The following POC1B variants were observed in gnomAD, a reference collection of about 807,000 sequenced individuals.
The protein encoded by POC1B is POC1 centriolar protein B.
In POC1B, 44 loss-of-function variants were observed where a neutral mutation model predicts 60.6. The observed-to-expected ratio is 0.73, with a 90% confidence interval of 0.57 to 0.93. The LOEUF is 0.93. POC1B is among the 40% of genes least tolerant of loss of function. The pLI, the probability that POC1B is intolerant of heterozygous loss-of-function variation, is 0.00. For missense variants in POC1B, 555 were observed against 572.3 expected, an observed-to-expected ratio of 0.97 and a Z score of 0.31; for synonymous variants, 180 against 198.9, an observed-to-expected ratio of 0.90 and a Z score of 0.80.
chr12:89,422,936 T>C (rs1880605150), intron 11 of POC1B, among the ~76,000 whole-genome samples: 2 of 152,352 alleles, frequency 1.3e-5, no homozygotes, highest in South Asian at 4.1e-4. Context: ...TCATTACTAA[T>C]GAAAAATAAT....
chr12:89,442,296 A>C (rs1349449490), intron 10 of POC1B, among the ~76,000 whole-genome samples: 1 of 152,350 alleles, frequency 6.6e-6, no homozygotes, highest in Middle Eastern at 3.4e-3. Flanking sequence ...TCCAAGATAC[A>C]TAATTGTCAG....
chr12:89,519,055 G>A (rs1870632255), intron 2 of POC1B, among the ~76,000 whole-genome samples: 1 of 152,218 alleles, frequency 6.6e-6, no homozygotes, highest in South Asian at 2.1e-4. Context: ...GGGGAAATAT[G>A]AGGATATGTG....
chr12:89,484,784 AC>A (rs929506214), intron 4 of POC1B, among the ~76,000 whole-genome samples: 2 of 152,196 alleles, frequency 1.3e-5, no homozygotes, highest in Non-Finnish European at 2.9e-5. Flanking sequence ...GTGTGCAACA[AC>A]TGCAACAAGC....
chr12:89,493,852 AC>A (rs1869108516), intron 3 of POC1B, among the ~76,000 whole-genome samples: 1 of 152,176 alleles, frequency 6.6e-6, no homozygotes, highest in Admixed American at 6.5e-5. Context: ...CACAGAAGAA[AC>A]CAAGATAGGA....
chr12:89,524,056 A>C, intron 2 of POC1B: 3 of 1,613,672 alleles, frequency 1.9e-6, no homozygotes, highest in Non-Finnish European at 2.5e-6. Flanking sequence ...TTTCAAAAGA[A>C]CTGCAGGAGA....
rs776312438 is a variant in POC1B, at chr12:89,459,697, T to A, written c.1054A>T (p.Ile352Phe). The change falls in exon 10 of 12, where the codon ATC becomes TTC. Residue 352 changes from isoleucine (I) to phenylalanine (F), a missense_variant. Ile to Phe is a conservative substitution (Grantham distance 21). Coordinates refer to ENST00000313546, the MANE Select transcript of POC1B (RefSeq NM_172240.3). ...GGGGGAGTAGAGATCTGCAAATCGATTACCTCAAGCTTTGGATTAATCTGT... is the reference window on the plus strand; with the variant it reads ...GGGGGAGTAGAGATCTGCAAATCGAATACCTCAAGCTTTGGATTAATCTGT... ...TVEINPKLEVIDLQISTPPVM... is the reference protein window; with the variant it reads ...TVEINPKLEVFDLQISTPPVM... The A allele has an allele frequency of 1.7e-5, 27 of 1,545,674 alleles. No individual in the cohort carries two copies. The highest frequency in any genetic ancestry group is 2.2e-5 in the Non-Finnish European group (25 of 1,144,632).
chr12:89,445,169 T>C (rs1483788354), intron 10 of POC1B, among the ~76,000 whole-genome samples: 1 of 152,132 alleles, frequency 6.6e-6, no homozygotes, highest in Non-Finnish European at 1.5e-5. Context: ...ATTGTGAAAA[T>C]GGCCATACTG....
At chr12:89,459,034 G>A (rs568142050) in intron 10 of POC1B, among the ~76,000 whole-genome samples, 1 of 152,164 alleles carries the variant, frequency 6.6e-6, no homozygotes, top group Middle Eastern at 3.4e-3. Flanking sequence ...ATTAACCAAC[G>A]GCAGTGCTGT....
At chr12:89,500,946 C>A in intron 2 of POC1B, 1 of 913,550 alleles carries the variant, frequency 1.1e-6, no homozygotes, top group Non-Finnish European at 1.7e-6. Context: ...CATTGTTAGG[C>A]ATGGAGGAAT....
intron 2 of POC1B, among the ~76,000 whole-genome samples, chr12:89,507,911 C>A (rs1462002519): frequency 1.3e-5 from 2 of 152,240 alleles, no homozygotes; most frequent in Non-Finnish European, 2.9e-5. Context: ...AGAAATGTTA[C>A]CGTCTCCAGT....
chr12:89,472,136 C>G (rs1360332958), intron 5 of POC1B, 32 bp downstream of exon 5: 1 of 1,350,728 alleles, frequency 7.4e-7, no homozygotes. Flanking sequence ...AGAAAACTAA[C>G]CCACATAAAT....
At chr12:89,407,807 A>ATTT in the POC1B span, among the ~76,000 whole-genome samples, 2 of 151,196 alleles carry the variant, frequency 1.3e-5, no homozygotes, top group African/African-American at 4.9e-5. Context: ...ATAGCCTAGG[A>ATTT]TTTATTATTA....
At chr12:89,483,157 C>T (rs1248867947) in intron 4 of POC1B, among the ~76,000 whole-genome samples, 2 of 152,172 alleles carry the variant, frequency 1.3e-5, no homozygotes, top group Non-Finnish European at 2.9e-5. Flanking sequence ...CCACCTTGGC[C>T]TCCCAAAGTG....
At chr12:89,486,612 T>C (rs989287401) in intron 4 of POC1B, among the ~76,000 whole-genome samples, 1 of 152,064 alleles carries the variant, frequency 6.6e-6, no homozygotes, top group Admixed American at 6.5e-5. Flanking sequence ...ATGACTAGAT[T>C]TGTTTTTCAC....
intron 10 of POC1B, among the ~76,000 whole-genome samples, chr12:89,451,562 T>G (rs1320548599): frequency 6.6e-6 from 1 of 152,118 alleles, no homozygotes; most frequent in Non-Finnish European, 1.5e-5. Context: ...TCTCAGAAAG[T>G]AAAAGCAAAG....
intron 10 of POC1B, among the ~76,000 whole-genome samples, chr12:89,435,997 T>G (rs1019807541): frequency 2.0e-5 from 3 of 151,442 alleles, no homozygotes; most frequent in Non-Finnish European, 4.4e-5. Context: ...CAGGCTGGAA[T>G]GTAGTGGCAC....
intron 10 of POC1B, among the ~76,000 whole-genome samples, chr12:89,456,185 T>A (rs1164351976): frequency 6.6e-6 from 1 of 152,142 alleles, no homozygotes; most frequent in East Asian, 1.9e-4. Context: ...CACGCCCGGC[T>A]AATTTTTGTA....
chr12:89,444,950 T>TATATACCA (rs2120740568), intron 10 of POC1B, among the ~76,000 whole-genome samples: 1 of 152,286 alleles, frequency 6.6e-6, no homozygotes, highest in African/African-American at 2.4e-5. Context: ...CAAGCATTCC[T>TATATACCA]ATATACCAAT....
rs756934625 is a variant in POC1B, at chr12:89,497,248, G to A, written c.195C>T (p.Ser65=). Residue 65 remains serine (S), a synonymous_variant, in exon 3 of 12, where the codon AGC becomes AGT. Transcript: ENST00000313546. Reference sequence around the variant, plus strand: ...AGTTTCCATGTGGAGAAAACTGCACGCTGGTTACAACATCCTTGTGACCCA... The same window carrying A: ...AGTTTCCATGTGGAGAAAACTGCACACTGGTTACAACATCCTTGTGACCCA... ...RYVGHKDVVT[S]VQFSPHGNLL... is the part of the protein sequence containing the mutation. 3.7e-6 allele frequency: 6 copies of A among 1,613,686 alleles called. No individual in the cohort carries two copies. The highest frequency in any genetic ancestry group is 1.8e-4 in the Middle Eastern group (1 of 5,668).
Sources: allele counts gnomAD v4.1 joint callset (sites outside exome capture counted in the v4.1 genomes callset), GRCh38; gene constraint gnomAD v4.1.1; transcripts MANE v1.5; gene names NCBI Gene and HGNC (gene_info 2026-07-23, HGNC 2026-07-21).